The following SLC14A2 variants were observed in gnomAD, a reference collection of about 807,000 sequenced individuals.
The protein encoded by SLC14A2 is urea transporter 2.
A neutral mutation model predicts 104.6 loss-of-function variants in SLC14A2; 91 were observed. The ratio of observed to expected loss-of-function variants is 0.87; its 90% CI spans 0.73 to 1.04. The LOEUF is 1.04. Among genes scored for constraint, SLC14A2 ranks in the 50% least tolerant of loss-of-function variants. SLC14A2 has a pLI of 0.00. For missense variants in SLC14A2, 1,189 were observed against 1,156.0 expected (o/e 1.03, Z -0.41); for synonymous variants, 476 against 466.4 (o/e 1.02, Z -0.27).
chr18:45,438,121 C>T (rs909018196), intron 1 of SLC14A2: 3 of 152,180 alleles, frequency 2.0e-5, no homozygotes, highest in African/African-American at 7.2e-5. Context: ...TAAAGACTTT[C>T]AGTAAGTATA....
Position 45,616,231 on chromosome 18 carries a change from G to A in SLC14A2, c.-35+649G>A, listed in dbSNP as rs758423187. Among the ~76,000 whole-genome samples the A allele has an allele frequency of 1.2e-4, 19 of 152,256 alleles. No individual in the cohort carries two copies. The East Asian group carries it at 1.7e-3, about 14-fold the overall frequency. ...GGGAGAATTGACACATTACCCCTAC[G>A]TAATAGGTGGGCACAGCCTGAAGCA... On this transcript the variant is annotated intron_variant, in intron 1 of 19. Transcript: ENST00000255226.
At chr18:45,418,702 T>C (rs2086305370) in intron 1 of SLC14A2, among the ~76,000 whole-genome samples, 1 of 152,196 alleles carries the variant, frequency 6.6e-6, no homozygotes, top group African/African-American at 2.4e-5. Flanking sequence ...AAAATATTGA[T>C]GTGATCAAAG....
intron 2 of SLC14A2, among the ~76,000 whole-genome samples, chr18:45,514,824 C>T (rs947596230): frequency 2.0e-5 from 3 of 152,326 alleles, no homozygotes. Flanking sequence ...TTTGCTTATA[C>T]TGCACTGGGT....
chr18:45,624,315 G>A (rs2045223962), intron 1 of SLC14A2, among the ~76,000 whole-genome samples: 1 of 152,150 alleles, frequency 6.6e-6, no homozygotes, highest in Non-Finnish European at 1.5e-5. Flanking sequence ...ACCACAATAG[G>A]ACGGCACAGC....
At chr18:45,291,250 G>A (rs1326316319) in intron 1 of SLC14A2, among the ~76,000 whole-genome samples, 1 of 151,944 alleles carries the variant, frequency 6.6e-6, no homozygotes, top group Non-Finnish European at 1.5e-5. Context: ...CAGGTTCAGA[G>A]CAATTCAAAT....
intron 7 of SLC14A2, 119 bp from the exon 8 acceptor site, chr18:45,641,090 G>C (rs1429040423): frequency 1.0e-6 from 1 of 999,172 alleles, no homozygotes. Context: ...TGATGGGCAG[G>C]TTTGGAGATG....
chr18:45,634,793 T>C lies in SLC14A2; in HGVS notation c.651-2197T>C, dbSNP rs1230127883. ...GGCAGAGATGTGATGGGATATGGTT[T>C]AAATCTAAACAAATCACTCTGTTTG... is the stretch of plus-strand genomic sequence containing the variant. On this transcript the variant is annotated intron_variant, in intron 5 of 19. Transcript: ENST00000255226. The C allele has an allele frequency of 6.6e-6, 3 of 457,056 alleles. No homozygotes were observed. In the East Asian group the frequency reaches 2.1e-4, roughly 32 times the overall value. 28.3% of individuals were successfully genotyped at this position (457,056 alleles called of 1,614,324 possible). A position where few individuals can be genotyped will look rare whatever the true frequency, so the allele number is the denominator to read the frequency against.
intron 1 of SLC14A2, among the ~76,000 whole-genome samples, chr18:45,450,164 A>C (rs891431401): frequency 6.6e-6 from 1 of 152,226 alleles, no homozygotes; most frequent in African/African-American, 2.4e-5. Context: ...AAAACTGGAA[A>C]TCAGTCCAAG....
chr18:45,228,062 C>T (rs1165421813), intron 1 of SLC14A2, among the ~76,000 whole-genome samples: 2 of 152,052 alleles, frequency 1.3e-5, no homozygotes, highest in African/African-American at 2.4e-5. Context: ...TTGCCATTGG[C>T]AATGTTCATT....
chr18:45,424,975 T>C (rs2086403596), intron 1 of SLC14A2, among the ~76,000 whole-genome samples: 1 of 152,358 alleles, frequency 6.6e-6, no homozygotes, highest in African/African-American at 2.4e-5. Context: ...GAAGAGATTT[T>C]CCCTGAGTTT....
At chr18:45,338,682 C>CAAAAAAAAAAAAAAA (rs59474827) in intron 1 of SLC14A2, among the ~76,000 whole-genome samples, 1 of 51,854 alleles carries the variant, frequency 1.9e-5, no homozygotes, top group Admixed American at 2.3e-4. Context: ...CACTGGCTCA[C>CAAAAAAAAAAAAAAA]AAAAAAAAAA....
intron 1 of SLC14A2, chr18:45,435,383 A>G (rs1173924319): frequency 1.3e-5 from 2 of 152,242 alleles, no homozygotes. Context: ...AAGGAATAGA[A>G]TAGGTCAATT....
At chr18:45,399,655 T>C (rs1350532879) in intron 1 of SLC14A2, among the ~76,000 whole-genome samples, 4 of 151,904 alleles carry the variant, frequency 2.6e-5, no homozygotes, top group Non-Finnish European at 2.9e-5. Context: ...ATACATATTA[T>C]GGTGGGATGT....
intron 1 of SLC14A2, among the ~76,000 whole-genome samples, chr18:45,302,928 G>T (rs907106392): frequency 6.6e-6 from 1 of 152,094 alleles, no homozygotes; most frequent in Non-Finnish European, 1.5e-5. Context: ...GGCAGTGCTG[G>T]GTAACTGTGG....
intron 2 of SLC14A2, among the ~76,000 whole-genome samples, chr18:45,530,377 G>A (rs1341576799): frequency 1.3e-5 from 2 of 152,124 alleles, no homozygotes; most frequent in African/African-American, 4.8e-5. Context: ...TATTAAATAA[G>A]ACAAAAATAT....
At chr18:45,438,549 T>C (rs1414765006) in intron 1 of SLC14A2, among the ~76,000 whole-genome samples, 1 of 152,172 alleles carries the variant, frequency 6.6e-6, no homozygotes, top group Non-Finnish European at 1.5e-5. Context: ...GAGAGAGATC[T>C]TTGTTTAAGA....
chr18:45,231,526 G>C (rs774007223), intron 1 of SLC14A2, among the ~76,000 whole-genome samples: 12 of 152,178 alleles, frequency 7.9e-5, no homozygotes, highest in Non-Finnish European at 1.8e-4. Context: ...GTATCTTGAT[G>C]ATTAAGCTAG....
chr18:45,291,132 G>A (rs1187758216), intron 1 of SLC14A2, among the ~76,000 whole-genome samples: 1 of 152,140 alleles, frequency 6.6e-6, no homozygotes, highest in Non-Finnish European at 1.5e-5. Flanking sequence ...AATGCTAGGG[G>A]TGAAAATATA....
At chr18:45,384,320 G>A (rs1390922906) in intron 1 of SLC14A2, among the ~76,000 whole-genome samples, 1 of 152,148 alleles carries the variant, frequency 6.6e-6, no homozygotes, top group African/African-American at 2.4e-5. Flanking sequence ...ATAGCAGCAT[G>A]GCATTGTGGA....
Sources: gnomAD v4.1 joint callset for allele counts (sites outside exome capture counted in the v4.1 genomes callset) on GRCh38, gnomAD v4.1.1 for gene constraint, MANE v1.5 for transcripts, NCBI Gene and HGNC (gene_info 2026-07-23, HGNC 2026-07-21) for gene names.